The following GBF1 variants were observed in gnomAD, a reference collection of about 807,000 sequenced individuals.
GBF1 encodes the protein Golgi-specific brefeldin A-resistance guanine nucleotide exchange factor 1.
In GBF1, 114 loss-of-function variants were observed where a neutral mutation model predicts 210.5. The ratio of observed to expected loss-of-function variants is 0.54; its 90% confidence interval spans 0.47 to 0.63. The LOEUF (loss-of-function observed/expected upper bound fraction) is 0.63, where lower values mean the gene tolerates loss of function less well. Among genes scored for constraint, GBF1 ranks in the 30% least tolerant of loss-of-function variants. The pLI, the probability that GBF1 is intolerant of heterozygous loss-of-function variation, is 0.00. For missense variants in GBF1, 1,851 were observed against 2,357.7 expected (o/e 0.79, Z 4.45); for synonymous variants, 850 against 889.2 (o/e 0.96, Z 0.78).
At chr10:102,271,978 C>T (rs1434982706) in intron 3 of GBF1, among the ~76,000 whole-genome samples, 1 of 152,092 alleles carries the variant, frequency 6.6e-6, no homozygotes, top group African/African-American at 2.4e-5. Flanking sequence ...GTCTTGAACT[C>T]CTGAGCTCAA....
rs776959008 is a variant in GBF1 at position 102,369,799 on chromosome 10, G to A, written c.3215+24G>A. 4.2e-5 allele frequency: 68 copies of A among 1,614,142 alleles called. 1 individual carries two copies. In the Middle Eastern group the frequency reaches 7.8e-3, roughly 184 times the overall value. ...CGGTAAGAGCAGACCAGAGGCTCAG[G>A]GGCTTGGGGAGGGAGAGTCAGAACT... is the stretch of plus-strand genomic sequence containing the variant. On this transcript the variant is annotated intron_variant, in intron 25 of 39. Coordinates refer to ENST00000369983, the MANE Select transcript of GBF1 (RefSeq NM_001377137.1).
intron 3 of GBF1, among the ~76,000 whole-genome samples, chr10:102,296,848 C>T (rs1258458311): frequency 6.6e-6 from 1 of 151,912 alleles, no homozygotes; most frequent in Non-Finnish European, 1.5e-5. Context: ...AGTTCAAGAT[C>T]AAGCTGGCCA....
chr10:102,370,292 AG>A (rs775261034), intron 27 of GBF1, 47 bp downstream of exon 27: 1 of 1,478,206 alleles, frequency 6.8e-7, no homozygotes, highest in Non-Finnish European at 9.5e-7. Context: ...TGAATCTGGG[AG>A]GGGTGACAGG....
intron 3 of GBF1, among the ~76,000 whole-genome samples, chr10:102,285,842 T>A (rs1365615468): frequency 6.6e-6 from 1 of 152,130 alleles, no homozygotes; most frequent in Non-Finnish European, 1.5e-5. Flanking sequence ...TTCTCCAGTT[T>A]ATATGTTGAG....
At chr10:102,290,056 G>A (rs2076306774) in intron 3 of GBF1, among the ~76,000 whole-genome samples, 1 of 152,068 alleles carries the variant, frequency 6.6e-6, no homozygotes. Flanking sequence ...GACTTCAAGT[G>A]AGCCATAATC....
rs150668797 is a variant in GBF1, at chr10:102,315,337, G to T, written c.164-28714G>T. On this transcript the variant is annotated intron_variant, in intron 3 of 39. Coordinates refer to ENST00000369983, the MANE Select transcript of GBF1 (RefSeq NM_001377137.1). ...ACTGCCTGAGCTCTGCCTCCTGTCA[G>T]TTAAGCTGCAGCATTAGATTCTCAT... 5.9e-3 allele frequency among the ~76,000 whole-genome samples: 896 copies of T among 152,328 alleles called. 7 individuals carry two copies. Among genetic ancestry groups the T allele is most frequent in the Middle Eastern group, 0.014 (4 of 294 alleles).
chr10:102,232,028 A>T, the GBF1 span: 1 of 1,608,432 alleles, frequency 6.2e-7, no homozygotes, highest in South Asian at 1.1e-5. Context: ...AGCGTCTGAC[A>T]GCGACAGGGC....
intron 3 of GBF1, among the ~76,000 whole-genome samples, chr10:102,288,998 A>T (rs2076218896): frequency 6.6e-6 from 1 of 151,542 alleles, no homozygotes; most frequent in African/African-American, 2.4e-5. Flanking sequence ...AGCTACTTGG[A>T]AGGCTGAGGC....
At chr10:102,325,253 C>T (rs1038243523) in intron 3 of GBF1, among the ~76,000 whole-genome samples, 28 of 152,102 alleles carry the variant, frequency 1.8e-4, no homozygotes, top group African/African-American at 5.8e-4. Flanking sequence ...AGTCTCTATA[C>T]GAATGCTGAG....
intron 3 of GBF1, among the ~76,000 whole-genome samples, chr10:102,304,869 G>A (rs1285912532): frequency 1.3e-5 from 2 of 151,842 alleles, no homozygotes; most frequent in East Asian, 1.9e-4. Flanking sequence ...TATACAAGCC[G>A]GGTGTGGTGG....
At chr10:102,305,603 C>G (rs1321255337) in intron 3 of GBF1, among the ~76,000 whole-genome samples, 3 of 151,636 alleles carry the variant, frequency 2.0e-5, no homozygotes, top group Non-Finnish European at 4.4e-5. Flanking sequence ...GAGCAAGACT[C>G]CATCTCCAAA....
At chr10:102,313,689 C>A (rs2134020928) in intron 3 of GBF1, among the ~76,000 whole-genome samples, 1 of 152,304 alleles carries the variant, frequency 6.6e-6, no homozygotes, top group South Asian at 2.1e-4. Context: ...CCCCTTAATG[C>A]TGCAGTTCAT....
At chr10:102,352,593 A>G in intron 7 of GBF1, 75 bp downstream of exon 7, 2 of 1,033,380 alleles carry the variant, frequency 1.9e-6, no homozygotes, top group Non-Finnish European at 3.1e-6. Context: ...CAGCCACGTC[A>G]GGGACCTGGC....
intron 3 of GBF1, among the ~76,000 whole-genome samples, chr10:102,317,790 A>G (rs951129190): frequency 5.9e-5 from 9 of 152,176 alleles, no homozygotes; most frequent in African/African-American, 1.9e-4. Context: ...TGTTATGGGC[A>G]TTGTCCCACA....
chr10:102,322,720 A>T (rs1209744127), intron 3 of GBF1, among the ~76,000 whole-genome samples: 1 of 2,258 alleles, frequency 4.4e-4, no homozygotes, highest in Non-Finnish European at 2.5e-3. Flanking sequence ...CATCTCTACA[A>T]AAAAAAAAAA....
intron 3 of GBF1, among the ~76,000 whole-genome samples, chr10:102,333,695 G>A (rs2057505240): frequency 6.6e-6 from 1 of 152,080 alleles, no homozygotes; most frequent in Admixed American, 6.6e-5. Context: ...CCAAAGTGCT[G>A]GGATTACAGG....
At chr10:102,377,171 C>T (rs1487240771) in intron 33 of GBF1, 31 bp downstream of exon 33, 1 of 1,557,622 alleles carries the variant, frequency 6.4e-7, no homozygotes, top group Admixed American at 1.7e-5. Flanking sequence ...TTCCTCTCCT[C>T]CCCTGCACCT....
chr10:102,329,481 T>C (rs1456287733), intron 3 of GBF1, among the ~76,000 whole-genome samples: 1 of 152,186 alleles, frequency 6.6e-6, no homozygotes, highest in Non-Finnish European at 1.5e-5. Context: ...GTTTTGTTTT[T>C]GAGACGGAGT....
chr10:102,233,381 G>A, the GBF1 span, among the ~76,000 whole-genome samples: 1 of 133,642 alleles, frequency 7.5e-6, no homozygotes, highest in African/African-American at 2.9e-5. Context: ...TCGGCTCACT[G>A]CAACCTCCAC....
Sources: gnomAD v4.1 joint callset for allele counts (sites outside exome capture counted in the v4.1 genomes callset) on GRCh38, gnomAD v4.1.1 for gene constraint, MANE v1.5 for transcripts, NCBI Gene and HGNC (gene_info 2026-07-23, HGNC 2026-07-21) for gene names.